The following F13A1 variants were observed in gnomAD, a reference collection of about 807,000 sequenced individuals.
F13A1 encodes the protein FSF, A subunit.
F13A1 carries 47 observed loss-of-function variants against 80.1 expected under a neutral mutation model. That is an observed-to-expected ratio of 0.59 (90% CI 0.46 to 0.75). F13A1 has a LOEUF of 0.75. Among genes scored for constraint, F13A1 ranks in the 30% least tolerant of loss-of-function variants. The probability of loss-of-function intolerance (pLI) is 0.00; values close to 1 mark genes in which losing one functional copy is unlikely to be tolerated. For missense variants in F13A1, 817 were observed against 930.4 expected, an observed-to-expected ratio of 0.88 and a Z score of 1.59; for synonymous variants, 349 against 344.9, an observed-to-expected ratio of 1.01 and a Z score of -0.13.
intron 7 of F13A1, among the ~76,000 whole-genome samples, chr6:6,222,608 A>G (rs756347363): frequency 1.5e-4 from 23 of 152,242 alleles, no homozygotes; most frequent in Admixed American, 1.3e-4. Flanking sequence ...TGTGACATGC[A>G]TTGGTGGGTG....
chr6:6,216,876 C>T (rs1255883477), intron 8 of F13A1, among the ~76,000 whole-genome samples: 2 of 149,750 alleles, frequency 1.3e-5, no homozygotes, highest in African/African-American at 2.5e-5. Flanking sequence ...AGGACATGAA[C>T]AGGCACTTCT....
intron 13 of F13A1, among the ~76,000 whole-genome samples, chr6:6,155,765 A>G (rs1254790986): frequency 6.6e-6 from 1 of 152,208 alleles, no homozygotes; most frequent in African/African-American, 2.4e-5. Context: ...TCAGTGATGC[A>G]CCATGCTATG....
At chr6:6,149,656 T>C (rs1290568307) in intron 14 of F13A1, among the ~76,000 whole-genome samples, 1 of 152,222 alleles carries the variant, frequency 6.6e-6, no homozygotes, top group African/African-American at 2.4e-5. Context: ...GTCGGCACCT[T>C]GTCCTCAGAC....
chr6:6,267,995 C>G (rs1442618050), intron 3 of F13A1, among the ~76,000 whole-genome samples: 1 of 152,178 alleles, frequency 6.6e-6, no homozygotes, highest in Non-Finnish European at 1.5e-5. Context: ...TAAATTAAGA[C>G]TTCAAAGACT....
intron 8 of F13A1, among the ~76,000 whole-genome samples, chr6:6,207,484 A>G (rs192225278): frequency 6.6e-6 from 1 of 152,242 alleles, no homozygotes; most frequent in African/African-American, 2.4e-5. Flanking sequence ...AAACACTTTG[A>G]AAGAAAAAAC....
Position 6,162,257 on chromosome 6 carries a change from CA to C in F13A1, c.1908+5200del, listed in dbSNP as rs869222806. Among the ~76,000 whole-genome samples the C allele has an allele frequency of 8.0e-6, 1 of 125,110 alleles. No homozygotes were observed. The highest frequency in any genetic ancestry group is 2.7e-5 in the African/African-American group (1 of 36,594). The allele number at this position is 125,110 out of a possible 152,430, so 82.1% of individuals were successfully genotyped here. A position where few individuals can be genotyped will look rare whatever the true frequency, so the allele number is the denominator to read the frequency against. On this transcript the variant is annotated intron_variant, in intron 13 of 14. Transcript: ENST00000264870. This position sits in a 1 kb window ranked among gnomAD's most constrained non-coding sequence, Gnocchi z 4.2. ...GGTTACCCTTACTCATCCCTGCTCC[CA>C]GCCTCCACCCCAGCCAAGGCACGCT...
rs189509528 is a variant in F13A1, at chr6:6,190,017, G to A, written c.1305+5780C>T. ...ACCCTTTCTTCCAGTTGATCGCATC[G>A]GCTCCTGAGGCTTCTGCATTCTTCA... On this transcript the variant is annotated intron_variant, in intron 10 of 14. Transcript: ENST00000264870. Among the ~76,000 whole-genome samples, 79 of 151,990 alleles carry A rather than the reference G, an allele frequency of 5.2e-4. 1 individual carries two copies. The highest frequency in any genetic ancestry group is 4.4e-3 in the East Asian group (23 of 5,184).
At chr6:6,305,774 A>G (rs2113184739) in intron 2 of F13A1, 1 of 518,988 alleles carries the variant, frequency 1.9e-6, no homozygotes, top group East Asian at 3.6e-5. Context: ...GTTTCAGACC[A>G]CAAGGCACTC....
chr6:6,167,401 T>C (rs1760694961), intron 13 of F13A1, 57 bp downstream of exon 13: 1 of 1,546,568 alleles, frequency 6.5e-7, no homozygotes, highest in Non-Finnish European at 8.8e-7. Flanking sequence ...TATGCACACA[T>C]GAACACTAAG....
chr6:6,234,468 A>G (rs899516457), intron 6 of F13A1, among the ~76,000 whole-genome samples: 1 of 152,074 alleles, frequency 6.6e-6, no homozygotes, highest in Admixed American at 6.6e-5. Flanking sequence ...ACCCAGGAAC[A>G]GAGACTCTGT....
chr6:6,148,249 C>T (rs187969093), intron 14 of F13A1, among the ~76,000 whole-genome samples: 14 of 152,246 alleles, frequency 9.2e-5, no homozygotes, highest in East Asian at 7.7e-4. Flanking sequence ...TGAGACAGGC[C>T]GGAGGCAGTG....
At chr6:6,316,323 T>C (rs1278258351) in intron 2 of F13A1, among the ~76,000 whole-genome samples, 1 of 151,386 alleles carries the variant, frequency 6.6e-6, no homozygotes, top group African/African-American at 2.4e-5. Context: ...TATGAGTCAT[T>C]CAATTCACAA....
intron 8 of F13A1, chr6:6,206,555 C>A: frequency 2.0e-6 from 1 of 499,456 alleles, no homozygotes. Flanking sequence ...GGAATGAGGG[C>A]TTCAGGCGCT....
At chr6:6,184,351 G>A (rs1192380817) in intron 10 of F13A1, among the ~76,000 whole-genome samples, 1 of 152,230 alleles carries the variant, frequency 6.6e-6, no homozygotes, top group African/African-American at 2.4e-5. Flanking sequence ...CACCCTGCGG[G>A]AGCATGAGCC....
At chr6:6,308,215 G>C (rs1407462101) in intron 2 of F13A1, among the ~76,000 whole-genome samples, 1 of 151,924 alleles carries the variant, frequency 6.6e-6, no homozygotes, top group African/African-American at 2.4e-5. Context: ...ATAGAGACGG[G>C]GTTTCACCAT....
At chr6:6,164,473 C>A (rs1318303232) in intron 13 of F13A1, among the ~76,000 whole-genome samples, 1 of 151,332 alleles carries the variant, frequency 6.6e-6, no homozygotes, top group African/African-American at 2.4e-5. Context: ...TTCATATGTA[C>A]CCTCAAATCT....
intron 13 of F13A1, among the ~76,000 whole-genome samples, chr6:6,156,884 G>C (rs1289051628): frequency 1.3e-5 from 2 of 152,202 alleles, no homozygotes; most frequent in Non-Finnish European, 2.9e-5. Context: ...GCATTGGATG[G>C]AGCAGATTTA....
Position 6,320,160 on chromosome 6 carries a change from TGCGCAGGAGTGGGGAGGC to T in F13A1, c.-19+409_-19+426del, listed in dbSNP as rs1158128447. 9.2e-5 allele frequency among the ~76,000 whole-genome samples: 14 copies of T among 152,012 alleles called. No individual in the cohort carries two copies. The South Asian group carries it at 1.0e-3, about 11-fold the overall frequency. On this transcript the variant is annotated intron_variant, in intron 1 of 14. Transcript: ENST00000264870. ...TCCAAATTGGGACGGAGGCAGGCGATGCGCAGGAGTGGGGAGGCGCGCAGGAGTGGGGAGCCAAGCCGG... is the reference window on the plus strand; with the variant it reads ...TCCAAATTGGGACGGAGGCAGGCGATGCGCAGGAGTGGGGAGCCAAGCCGG...
chr6:6,193,950 A>G (rs1761246235), intron 10 of F13A1, among the ~76,000 whole-genome samples: 1 of 152,244 alleles, frequency 6.6e-6, no homozygotes, highest in South Asian at 2.1e-4. Context: ...CTGCCACGGC[A>G]GGTACGATGA....
Sources: allele counts gnomAD v4.1 joint callset (sites outside exome capture counted in the v4.1 genomes callset), GRCh38; gene constraint gnomAD v4.1.1; non-coding constraint Gnocchi (gnomAD v3.1); transcripts MANE v1.5; gene names NCBI Gene and HGNC (gene_info 2026-07-23, HGNC 2026-07-21).